The following MROH2A variants were observed in gnomAD, a reference collection of about 807,000 sequenced individuals.
MROH2A encodes maestro heat-like repeat-containing protein family member 2A.
In MROH2A, 174 loss-of-function variants were observed where a neutral mutation model predicts 200.4. That is an observed-to-expected ratio of 0.87 (90% CI 0.77 to 0.98). The LOEUF (loss-of-function observed/expected upper bound fraction) is 0.98. MROH2A is among the 50% of genes least tolerant of loss of function. MROH2A has a pLI of 0.00. For missense variants in MROH2A, 2,045 were observed against 2,139.6 expected, an observed-to-expected ratio of 0.96 and a Z score of 0.87; for synonymous variants, 829 against 840.4, an observed-to-expected ratio of 0.99 and a Z score of 0.23.
chr2:233,819,842 T>C, intron 30 of MROH2A, 60 bp from the exon 31 acceptor site: 2 of 1,436,832 alleles, frequency 1.4e-6, no homozygotes, highest in Non-Finnish European at 1.8e-6. Context: ...TGTCATGGGG[T>C]TAGTGCAGGA....
At position 233,810,935 on chromosome 2, in the gene MROH2A, C is replaced by A; in HGVS notation, c.2571+19C>A. On this transcript the variant is annotated intron_variant, in intron 23 of 41. Transcript: ENST00000389758. ...TATAGTGGTAAGCTGGGTGGGGCAC[C>A]TCCTTGGTCCTGTTCCTGGTTTTGG... 6.5e-7 allele frequency: 1 copy of A among 1,548,676 alleles called. No individual in the cohort carries two copies.
intron 24 of MROH2A, among the ~76,000 whole-genome samples, chr2:233,813,063 T>A (rs1188613699): frequency 6.6e-6 from 1 of 152,052 alleles, no homozygotes; most frequent in Non-Finnish European, 1.5e-5. Context: ...CCTTAAAAAA[T>A]CCTCGAGGTA....
intron 12 of MROH2A, 23 bp downstream of exon 12, chr2:233,798,873 A>G (rs1702280120): frequency 3.2e-6 from 5 of 1,540,418 alleles, no homozygotes; most frequent in Non-Finnish European, 4.4e-6. Flanking sequence ...AGACCTGGAA[A>G]TGGGGGGCAC....
chr2:233,793,796 C>G lies in MROH2A; in HGVS notation c.794C>G (p.Thr265Arg). The change falls in exon 7 of 42, where the codon ACA (threonine) becomes AGA (arginine). Residue 265 changes from threonine (T) to arginine (R), a missense_variant. Transcript: ENST00000389758. ...KVFPMYRYFV[T>R]VWLRHYNPEV... ...TTCCCCATGTATCGCTACTTCGTGA[C>G]AGTGTGGCTGAGGCACTACAACCCC... is the stretch of plus-strand genomic sequence containing the variant. 1 of 1,470,722 alleles carries G rather than the reference C, an allele frequency of 6.8e-7. No homozygotes were observed. The highest frequency in any genetic ancestry group is 9.0e-7 in the Non-Finnish European group (1 of 1,108,504). 91.1% of individuals were successfully genotyped at this position (1,470,722 alleles called of 1,614,324 possible).
chr2:233,775,840 G>A (rs1700689371), upstream of MROH2A: 1 of 152,252 alleles, frequency 6.6e-6, no homozygotes, highest in African/African-American at 2.4e-5. Flanking sequence ...TCATTAGAGG[G>A]ACCTGGTGGG....
At chr2:233,816,964 G>A (rs1376019395) in intron 27 of MROH2A, 79 bp downstream of exon 27, 5 of 871,372 alleles carry the variant, frequency 5.7e-6, no homozygotes, top group African/African-American at 3.4e-5. Flanking sequence ...TGGAAGATGA[G>A]GGAACACTTA....
In MROH2A at chr2:233,818,030, C is replaced by T. The variant is rs770367514; in HGVS notation, c.2990C>T (p.Thr997Ile). ...CACCTAAAGCTGGGGCAGTTTGGCA[C>T]AATGGTCGGACTCATTGCCCCGTGC... ...CIHLKLGQFG[T>I]MVGLIAPCTC... The change falls in exon 28 of 42, where the codon ACA (threonine) becomes ATA (isoleucine). Residue 997 changes from threonine (T) to isoleucine (I), a missense_variant. By Grantham distance (89) the Thr-to-Ile change is moderately conservative. Transcript: ENST00000389758. 6.4e-7 allele frequency: 1 copy of T among 1,551,008 alleles called. No individual in the cohort carries two copies. Among genetic ancestry groups the T allele is most frequent in the Non-Finnish European group, 8.7e-7 (1 of 1,147,092 alleles).
chr2:233,814,576 C>T lies in MROH2A; in HGVS notation c.2761-6C>T. The stretch of plus-strand genomic sequence containing the variant: ...CCGCCTATCTCTCTCTCCCTCTTGG[C>T]TGTAGACCCTGTATGCAAATGCCCT... On this transcript the variant is annotated splice_region_variant and splice_polypyrimidine_tract_variant and intron_variant, in intron 25 of 41. Coordinates refer to ENST00000389758, the MANE Select transcript of MROH2A (RefSeq NM_001394639.1). 1 of 1,549,344 alleles carries T rather than the reference C, an allele frequency of 6.5e-7. No individual in the cohort carries two copies. Among genetic ancestry groups the T allele is most frequent in the Non-Finnish European group, 8.7e-7 (1 of 1,146,106 alleles).
chr2:233,832,152 T>C lies in MROH2A; in HGVS notation c.4735-25T>C, dbSNP rs3064782. ...TTGTCAGGGTCTCATCCTCCAAAGC[T>C]GTGTGTATCACTTACTTTTTGCAGA... On this transcript the variant is annotated intron_variant, in intron 39 of 41. Coordinates refer to ENST00000389758, the MANE Select transcript of MROH2A (RefSeq NM_001394639.1). 57 of 1,538,636 alleles carry C rather than the reference T, an allele frequency of 3.7e-5. 2 individuals carry two copies. The South Asian group carries it at 6.7e-4, about 18-fold the overall frequency.
chr2:233,811,993 G>C, intron 24 of MROH2A, 34 bp downstream of exon 24: 1 of 1,454,436 alleles, frequency 6.9e-7, no homozygotes, highest in Non-Finnish European at 9.4e-7. Context: ...CCCATCCCAA[G>C]GGGTAGGGAA....
At chr2:233,794,333 A>G in intron 7 of MROH2A, 30 bp from the exon 8 acceptor site, 1 of 1,503,728 alleles carries the variant, frequency 6.7e-7, no homozygotes, top group Non-Finnish European at 9.0e-7. Context: ...TGGTGAGACA[A>G]TGCGTCCCAG....
chr2:233,804,441 T>G, intron 17 of MROH2A, 54 bp from the exon 18 acceptor site: 2 of 1,539,600 alleles, frequency 1.3e-6, no homozygotes, highest in Non-Finnish European at 1.8e-6. Flanking sequence ...AATACCAGGC[T>G]TAGGGGAGCA....
intron 19 of MROH2A, among the ~76,000 whole-genome samples, chr2:233,806,745 C>T (rs190468836): frequency 4.6e-5 from 7 of 152,248 alleles, no homozygotes; most frequent in East Asian, 1.9e-4. Flanking sequence ...CATGCCTGCC[C>T]TTATGTAGTC....
rs555788644 is a variant in MROH2A, at chr2:233,812,087, G to T, written c.2651+128G>T. 3.8e-5 allele frequency: 26 copies of T among 682,170 alleles called. No individual in the cohort carries two copies. The African/African-American group carries it at 4.3e-4, about 11-fold the overall frequency. 42.3% of individuals were successfully genotyped at this position (682,170 alleles called of 1,614,324 possible). On this transcript the variant is annotated intron_variant, in intron 24 of 41. Coordinates refer to ENST00000389758, the MANE Select transcript of MROH2A (RefSeq NM_001394639.1). ...CCCTCTGTAGCAGGGGTCTCACTTG[G>T]AGGCTCCCCAGGGCAATGGGCCAGC...
Position 233,832,625 on chromosome 2 carries a change from C to A in MROH2A, c.4884C>A (p.Asp1628Glu). The change falls in exon 41 of 42, where the codon GAC becomes GAA. Residue 1628 changes from aspartate to glutamate, a missense_variant. Around this residue, in one of 3 missense-constraint regions of MROH2A, gnomAD observed 1,201 missense variants for 1,311.3 expected, o/e 0.92. Transcript: ENST00000389758. The stretch of plus-strand genomic sequence containing the variant: ...CTACACATTATCTGAAAAAGCTGGA[C>A]TTCCCAGCATTACGGAATTGTGAGT... ...QMSTHYLKKLDFPALRNSLQE... is the reference protein window; with the variant it reads ...QMSTHYLKKLEFPALRNSLQE... 3 of 1,549,434 alleles carry A rather than the reference C, an allele frequency of 1.9e-6. No individual in the cohort carries two copies. The highest frequency in any genetic ancestry group is 2.6e-6 in the Non-Finnish European group (3 of 1,145,930).
chr2:233,814,668 G>C lies in MROH2A; in HGVS notation c.2847G>C (p.Glu949Asp), dbSNP rs1703396553. Residue 949 changes from glutamate (E) to aspartate (D), a missense_variant, in exon 26 of 42, where the codon GAG becomes GAC. Coordinates refer to ENST00000389758, the MANE Select transcript of MROH2A (RefSeq NM_001394639.1). ...AGCTGGACCCCAAGGGGCTGCAGGAGATGGTGCAGGTGAGTTGCCTGGTGG... is the reference window on the plus strand; with the variant it reads ...AGCTGGACCCCAAGGGGCTGCAGGACATGGTGCAGGTGAGTTGCCTGGTGG... ...QRQLDPKGLQ[E>D]MVQLLEKWIL... 6.5e-7 allele frequency: 1 copy of C among 1,550,052 alleles called. No individual in the cohort carries two copies. Among genetic ancestry groups the C allele is most frequent in the Non-Finnish European group, 8.7e-7 (1 of 1,146,724 alleles).
In MROH2A at chr2:233,807,901, C is replaced by G; in HGVS notation, c.2295+46C>G. On this transcript the variant is annotated intron_variant, in intron 21 of 41. Transcript: ENST00000389758. The surrounding 1 kb of genome is among the most constrained non-coding windows in gnomAD (Gnocchi z 4.3). ...AACTGGGTCTTGGGATCTCTTAGCACAGTGCTCTGGGCACTGACACAAAGT... is the reference window on the plus strand; with the variant it reads ...AACTGGGTCTTGGGATCTCTTAGCAGAGTGCTCTGGGCACTGACACAAAGT... 6.5e-7 allele frequency: 1 copy of G among 1,550,366 alleles called. No homozygotes were observed. Among genetic ancestry groups the G allele is most frequent in the Non-Finnish European group, 8.7e-7 (1 of 1,146,634 alleles).
upstream of MROH2A, among the ~76,000 whole-genome samples, chr2:233,776,055 A>C (rs1444725834): frequency 6.6e-6 from 1 of 152,204 alleles, no homozygotes; most frequent in East Asian, 1.9e-4. Context: ...CTGTGAGTCC[A>C]TGAAACCTCT....
At chr2:233,814,372 G>T (rs933447195) in intron 25 of MROH2A, among the ~76,000 whole-genome samples, 2 of 152,188 alleles carry the variant, frequency 1.3e-5, no homozygotes, top group Non-Finnish European at 2.9e-5. Flanking sequence ...TCAGAACTGG[G>T]CTCCAGGAGT....
Sources: allele counts gnomAD v4.1 joint callset (sites outside exome capture counted in the v4.1 genomes callset), GRCh38; gene constraint gnomAD v4.1.1; regional missense constraint gnomAD v4.1.1; non-coding constraint Gnocchi (gnomAD v3.1); transcripts MANE v1.5; gene names NCBI Gene and HGNC (gene_info 2026-07-23, HGNC 2026-07-21).